The following VAT1L variants were observed in gnomAD, a reference collection of about 807,000 sequenced individuals.
VAT1L encodes putative NADPH-dependent quinone oxidoreductase VAT1L.
A neutral mutation model predicts 44.1 loss-of-function variants in VAT1L; 34 were observed. The observed-to-expected ratio is 0.77, with a 90% confidence interval of 0.59 to 1.03. The LOEUF is 1.03. Among genes scored for constraint, VAT1L ranks in the 50% least tolerant of loss-of-function variants. The probability of loss-of-function intolerance (pLI) is 0.00; values close to 1 mark genes in which losing one functional copy is unlikely to be tolerated. For missense variants in VAT1L, 615 were observed against 538.8 expected, an observed-to-expected ratio of 1.14 and a Z score of -1.40; for synonymous variants, 253 against 202.2, an observed-to-expected ratio of 1.25 and a Z score of -2.13.
intron 7 of VAT1L, among the ~76,000 whole-genome samples, chr16:77,939,939 G>C (rs972415614): frequency 1.3e-5 from 2 of 152,152 alleles, no homozygotes; most frequent in African/African-American, 4.8e-5. Context: ...AAATTTCTCA[G>C]CAGTAGTTTC....
Position 77,977,578 on chromosome 16 carries a change from A to G in VAT1L, c.1162-19A>G, listed in dbSNP as rs756274324. The G allele has an allele frequency of 2.5e-6, 4 of 1,612,638 alleles. No individual in the cohort carries two copies. The African/African-American group carries it at 5.3e-5, about 22-fold the overall frequency. On this transcript the variant is annotated intron_variant, in intron 8 of 8. Coordinates refer to ENST00000302536, the MANE Select transcript of VAT1L (RefSeq NM_020927.3). Reference sequence around the variant, plus strand: ...GCTGGGTTGCACAACCCTCAATAACATCCTCTTTTGAATTACAGATGGCCA... The same window carrying G: ...GCTGGGTTGCACAACCCTCAATAACGTCCTCTTTTGAATTACAGATGGCCA...
chr16:77,869,031 G>A (rs1286282844), intron 4 of VAT1L, among the ~76,000 whole-genome samples: 3 of 152,036 alleles, frequency 2.0e-5, no homozygotes, highest in Admixed American at 2.0e-4. Flanking sequence ...ATTTGAAGCA[G>A]TTAAGCACTG....
At chr16:77,919,190 G>T (rs1212075755) in intron 7 of VAT1L, among the ~76,000 whole-genome samples, 1 of 151,786 alleles carries the variant, frequency 6.6e-6, no homozygotes, top group Non-Finnish European at 1.5e-5. Context: ...ATGTGTGTGT[G>T]TGTTTCAGCA....
At chr16:77,926,237 A>C (rs1200858005) in intron 7 of VAT1L, among the ~76,000 whole-genome samples, 1 of 142,344 alleles carries the variant, frequency 7.0e-6, no homozygotes, top group African/African-American at 2.7e-5. Flanking sequence ...TGGGCAACAG[A>C]GTGAGACTCC....
chr16:77,926,963 T>C (rs16946860), intron 7 of VAT1L, among the ~76,000 whole-genome samples: 30,364 of 152,048 alleles, frequency 0.2, 3,268 homozygotes, highest in Middle Eastern at 0.23. Context: ...CCATTACACA[T>C]TTACATATGC....
At chr16:77,811,173 C>T (rs367767622) in intron 1 of VAT1L, among the ~76,000 whole-genome samples, 106 of 152,278 alleles carry the variant, frequency 7.0e-4, no homozygotes, top group African/African-American at 2.3e-3. Flanking sequence ...GAGGAAAGAA[C>T]AGGATAGCAA....
chr16:77,949,183 A>T (rs1052327811), intron 7 of VAT1L, among the ~76,000 whole-genome samples: 3 of 152,210 alleles, frequency 2.0e-5, no homozygotes, highest in African/African-American at 7.2e-5. Flanking sequence ...TGATGCAGTG[A>T]CAGAGTGGAG....
intron 3 of VAT1L, among the ~76,000 whole-genome samples, chr16:77,844,885 G>C (rs528256914): frequency 8.9e-4 from 135 of 152,130 alleles, no homozygotes; most frequent in Middle Eastern, 3.4e-3. Flanking sequence ...AAAGGATCAA[G>C]ATGCTATCAT....
chr16:77,972,429 C>T (rs1451237850), intron 8 of VAT1L, among the ~76,000 whole-genome samples: 1 of 152,166 alleles, frequency 6.6e-6, no homozygotes, highest in African/African-American at 2.4e-5. Flanking sequence ...GTGATCCTCC[C>T]ACCTCAGCCT....
intron 7 of VAT1L, among the ~76,000 whole-genome samples, chr16:77,963,676 TCA>T (rs2018189319): frequency 6.7e-6 from 1 of 149,112 alleles, no homozygotes; most frequent in Non-Finnish European, 1.5e-5. Context: ...CTGCCTGAAG[TCA>T]CACAGTCAGA....
intron 7 of VAT1L, among the ~76,000 whole-genome samples, chr16:77,893,857 C>T (rs949414818): frequency 5.9e-5 from 9 of 152,120 alleles, no homozygotes; most frequent in Non-Finnish European, 1.3e-4. Context: ...AATGAATAAA[C>T]TCATTGAAGA....
chr16:77,872,070 T>A (rs978348036), intron 4 of VAT1L, among the ~76,000 whole-genome samples: 1 of 152,124 alleles, frequency 6.6e-6, no homozygotes, highest in Non-Finnish European at 1.5e-5. Flanking sequence ...AAAATGTAGG[T>A]GTTATCACCA....
chr16:77,966,255 G>C (rs751754282), intron 7 of VAT1L, among the ~76,000 whole-genome samples: 1 of 152,162 alleles, frequency 6.6e-6, no homozygotes, highest in Non-Finnish European at 1.5e-5. Context: ...GGAGAGGAGA[G>C]GCTGATGTGT....
At chr16:77,856,502 T>C (rs1269286332) in intron 3 of VAT1L, among the ~76,000 whole-genome samples, 3 of 152,202 alleles carry the variant, frequency 2.0e-5, no homozygotes, top group African/African-American at 7.2e-5. Flanking sequence ...GGCAGTGTAG[T>C]AAGCCTTTAA....
intron 7 of VAT1L, among the ~76,000 whole-genome samples, chr16:77,961,698 A>G (rs1313871829): frequency 1.3e-5 from 2 of 151,886 alleles, no homozygotes; most frequent in Non-Finnish European, 2.9e-5. Context: ...CAAACACAAC[A>G]CTAGACATGA....
intron 4 of VAT1L, among the ~76,000 whole-genome samples, chr16:77,874,121 G>C (rs1293442770): frequency 6.6e-6 from 1 of 152,082 alleles, no homozygotes; most frequent in Non-Finnish European, 1.5e-5. Context: ...AAAATTCAAG[G>C]CTGGGCGGAC....
chr16:77,880,572 T>C (rs2017140953), intron 6 of VAT1L, among the ~76,000 whole-genome samples: 1 of 146,760 alleles, frequency 6.8e-6, no homozygotes, highest in South Asian at 2.2e-4. Context: ...TTTTTTTTTT[T>C]CTTCGCACGT....
intron 7 of VAT1L, among the ~76,000 whole-genome samples, chr16:77,946,155 C>A (rs2017960008): frequency 6.6e-6 from 1 of 151,778 alleles, no homozygotes; most frequent in African/African-American, 2.4e-5. Context: ...TGTGGACTGC[C>A]TTTTTTTCCC....
chr16:77,849,556 G>A (rs766853810), intron 3 of VAT1L, among the ~76,000 whole-genome samples: 5 of 152,118 alleles, frequency 3.3e-5, no homozygotes, highest in Middle Eastern at 3.2e-3. Context: ...TACTACACTC[G>A]CAAAGAAAGC....
Sources: gnomAD v4.1 joint callset for allele counts (sites outside exome capture counted in the v4.1 genomes callset) on GRCh38, gnomAD v4.1.1 for gene constraint, MANE v1.5 for transcripts, NCBI Gene and HGNC (gene_info 2026-07-23, HGNC 2026-07-21) for gene names.